Variants in LACTB2 observed in about 807,000 individuals in gnomAD.
LACTB2 encodes lactamase beta 2.
In LACTB2, 32 loss-of-function variants were observed where a neutral mutation model predicts 34.8. That is an observed-to-expected ratio of 0.92 (90% confidence interval 0.69 to 1.24). LACTB2 has a LOEUF of 1.24. Ranked by LOEUF, LACTB2 falls within the 50% of genes most tolerant of loss-of-function variation. The probability of loss-of-function intolerance (pLI) is 0.00; values close to 1 mark genes in which losing one functional copy is unlikely to be tolerated. For synonymous variants in LACTB2, 120 were observed against 117.5 expected, an observed-to-expected ratio of 1.02 and a Z score of -0.14; for missense variants, 320 against 345.0, an observed-to-expected ratio of 0.93 and a Z score of 0.57.
At chr8:70,649,723 A>G (rs1366630563) in intron 3 of LACTB2, among the ~76,000 whole-genome samples, 1 of 152,182 alleles carries the variant, frequency 6.6e-6, no homozygotes, top group African/African-American at 2.4e-5. Flanking sequence ...ATAGTCCGCT[A>G]AGATTTGTAA....
intron 3 of LACTB2, among the ~76,000 whole-genome samples, chr8:70,647,495 TG>T (rs1818278960): frequency 6.6e-6 from 1 of 152,156 alleles, no homozygotes; most frequent in South Asian, 2.1e-4. Flanking sequence ...TCAAGTGATC[TG>T]CCTGCCCTGG....
chr8:70,653,429 T>G (rs1818370752), intron 3 of LACTB2, among the ~76,000 whole-genome samples: 1 of 152,110 alleles, frequency 6.6e-6, no homozygotes, highest in South Asian at 2.1e-4. Context: ...GGAAACTGCC[T>G]AGAAACTACA....
intron 5 of LACTB2, among the ~76,000 whole-genome samples, chr8:70,640,367 A>C (rs1428063393): frequency 1.4e-5 from 2 of 147,086 alleles, no homozygotes; most frequent in African/African-American, 5.1e-5. Context: ...TAGTGCTGTC[A>C]ATACAGTGAT....
At chr8:70,665,151 T>C (rs944975083) in intron 1 of LACTB2, among the ~76,000 whole-genome samples, 3 of 152,264 alleles carry the variant, frequency 2.0e-5, no homozygotes, top group African/African-American at 7.2e-5. Flanking sequence ...GTATCATCTC[T>C]ACATGGGCTA....
At position 70,640,794 on chromosome 8, in the gene LACTB2, G is replaced by C; in HGVS notation, c.741+108C>G. The C allele has an allele frequency of 2.5e-6, 3 of 1,219,724 alleles. No homozygotes were observed. In the South Asian group the frequency reaches 6.6e-5, roughly 27 times the overall value. 75.6% of individuals were successfully genotyped at this position (1,219,724 alleles called of 1,614,324 possible). Reference sequence around the variant, plus strand: ...GGCTGCTGGTCTCAAATCTAGAAAAGTGGCGTAACTTCTGATCTGGGATAT... The same window carrying C: ...GGCTGCTGGTCTCAAATCTAGAAAACTGGCGTAACTTCTGATCTGGGATAT... On this transcript the variant is annotated intron_variant, in intron 5 of 6. Coordinates refer to ENST00000276590, the MANE Select transcript of LACTB2 (RefSeq NM_016027.3).
chr8:70,653,838 T>C (rs1460528363), intron 3 of LACTB2: 1 of 152,014 alleles, frequency 6.6e-6, no homozygotes, highest in East Asian at 1.9e-4. Flanking sequence ...GAGCTGAGCA[T>C]GCAACCTTGA....
chr8:70,642,074 T>A (rs1240863313), intron 4 of LACTB2, among the ~76,000 whole-genome samples: 1 of 152,180 alleles, frequency 6.6e-6, no homozygotes, highest in Non-Finnish European at 1.5e-5. Context: ...CTACAGAGCA[T>A]AATTTACATA....
chr8:70,668,868 C>T, intron 1 of LACTB2, 131 bp downstream of exon 1: 1 of 1,258,112 alleles, frequency 7.9e-7, no homozygotes. Context: ...CCCGACGGGG[C>T]TGCTAGGCGC....
chr8:70,656,821 G>A (rs1818417369), intron 3 of LACTB2, among the ~76,000 whole-genome samples: 1 of 152,190 alleles, frequency 6.6e-6, no homozygotes, highest in African/African-American at 2.4e-5. Flanking sequence ...AACTTGGGAT[G>A]TGTTTCCATT....
At chr8:70,660,738 C>T (rs1055283125) in intron 2 of LACTB2, 7 of 456,240 alleles carry the variant, frequency 1.5e-5, no homozygotes, top group African/African-American at 1.0e-4. Context: ...TCTTCCCTTT[C>T]TCTTCTTGTA....
chr8:70,654,567 A>ATT, intron 3 of LACTB2: 1 of 148,022 alleles, frequency 6.8e-6, no homozygotes, highest in Non-Finnish European at 1.5e-5. Flanking sequence ...GTATTTACCT[A>ATT]TTTTTTTTTT....
chr8:70,657,883 C>T lies in LACTB2; in HGVS notation c.287-1G>A. On this transcript the variant is annotated splice_acceptor_variant, in intron 2 of 6. Transcript: ENST00000276590. LOFTEE classifies it high-confidence loss of function. ...AGTTTTTTAATGCAATAGGTAGTGT[C>T]TAGTCATAAAACATATAAAATATAT... 1.9e-6 allele frequency: 3 copies of T among 1,580,840 alleles called. No individual in the cohort carries two copies. The South Asian group carries it at 3.4e-5, about 18-fold the overall frequency.
chr8:70,668,993 G>T lies in LACTB2; in HGVS notation c.122+6C>A, dbSNP rs1351513217. ...AACGTTGGGGAGGTTGGAGAGGGACGTTTACCTGGGGCCGGTCCCCACTAG... is the reference window on the plus strand; with the variant it reads ...AACGTTGGGGAGGTTGGAGAGGGACTTTTACCTGGGGCCGGTCCCCACTAG... On this transcript the variant is annotated splice_donor_region_variant and intron_variant, in intron 1 of 6. Coordinates refer to ENST00000276590, the MANE Select transcript of LACTB2 (RefSeq NM_016027.3). The T allele has an allele frequency of 6.3e-6, 10 of 1,579,562 alleles. No individual in the cohort carries two copies. The highest frequency in any genetic ancestry group is 1.7e-4 in the Middle Eastern group (1 of 5,746).
chr8:70,639,050 A>C (rs945024719), intron 5 of LACTB2, among the ~76,000 whole-genome samples: 3 of 151,264 alleles, frequency 2.0e-5, no homozygotes, highest in Non-Finnish European at 4.4e-5. Flanking sequence ...TCTTAAACAC[A>C]TTTTTAACTT....
intron 4 of LACTB2, among the ~76,000 whole-genome samples, chr8:70,643,209 T>A (rs111329004): frequency 0.28 from 762 of 2,684 alleles, 10 homozygotes; most frequent in African/African-American, 0.33. Flanking sequence ...TGTATTTTCC[T>A]TTTTTTTTTT....
intron 3 of LACTB2, chr8:70,646,297 C>G (rs1225609052): frequency 6.6e-6 from 1 of 152,142 alleles, no homozygotes; most frequent in Non-Finnish European, 1.5e-5. Flanking sequence ...TTTTTGCAAT[C>G]TACTCATCTG....
At chr8:70,655,753 T>G (rs550914560) in intron 3 of LACTB2, among the ~76,000 whole-genome samples, 5 of 152,234 alleles carry the variant, frequency 3.3e-5, no homozygotes, top group Admixed American at 1.3e-4. Flanking sequence ...GTTCTACTTT[T>G]AGTTCTTTAA....
chr8:70,665,995 G>A (rs147675534), intron 1 of LACTB2, among the ~76,000 whole-genome samples: 1 of 152,308 alleles, frequency 6.6e-6, no homozygotes, highest in African/African-American at 2.4e-5. Context: ...GTCTAGCAGT[G>A]TTTTAGTGAA....
chr8:70,652,006 A>C (rs999688369), intron 3 of LACTB2: 8 of 152,222 alleles, frequency 5.3e-5, no homozygotes, highest in African/African-American at 1.9e-4. Context: ...ACTTTTCTTC[A>C]AGAAATTTAA....
Sources: allele counts gnomAD v4.1 joint callset (sites outside exome capture counted in the v4.1 genomes callset), GRCh38; gene constraint gnomAD v4.1.1; transcripts MANE v1.5; gene names NCBI Gene and HGNC (gene_info 2026-07-23, HGNC 2026-07-21).